LDLRAD3: variants seen among roughly 807,000 people sequenced by gnomAD.
The protein encoded by LDLRAD3 is low density lipoprotein receptor class A domain containing 3.
LDLRAD3 carries 20 observed loss-of-function variants against 29.4 expected under a neutral mutation model. That is an observed-to-expected ratio of 0.68 (90% CI 0.48 to 0.99). The LOEUF (loss-of-function observed/expected upper bound fraction) is 0.99, where lower values mean the gene tolerates loss of function less well. Ranked by LOEUF, LDLRAD3 falls within the 50% of genes least tolerant of loss-of-function variation. LDLRAD3 has a pLI of 0.00. For missense variants in LDLRAD3, 420 were observed against 454.3 expected (o/e 0.92, Z 0.69); for synonymous variants, 157 against 192.7 (o/e 0.81, Z 1.53).
chr11:36,040,114 A>T (rs1480570412), intron 2 of LDLRAD3, among the ~76,000 whole-genome samples: 1 of 152,058 alleles, frequency 6.6e-6, no homozygotes, highest in African/African-American at 2.4e-5. Flanking sequence ...CGCCTCGGAG[A>T]GGTGATTACT....
intron 4 of LDLRAD3, among the ~76,000 whole-genome samples, chr11:36,202,869 A>T (rs1855147857): frequency 6.6e-6 from 1 of 152,178 alleles, no homozygotes. Flanking sequence ...TGGCAGCAGC[A>T]GCTGCAAATA....
intron 1 of LDLRAD3, among the ~76,000 whole-genome samples, chr11:35,976,002 T>G (rs893479300): frequency 6.6e-6 from 1 of 151,898 alleles, no homozygotes; most frequent in Admixed American, 6.6e-5. Context: ...GGGGAATCAG[T>G]TGAAGAGAGG....
chr11:36,145,173 G>T (rs1307440133), intron 4 of LDLRAD3, among the ~76,000 whole-genome samples: 2 of 119,010 alleles, frequency 1.7e-5, no homozygotes, highest in Non-Finnish European at 3.5e-5. Flanking sequence ...TCAGCCCCCC[G>T]CCCGGCCAGC....
chr11:36,209,152 A>G (rs111551035), intron 4 of LDLRAD3, among the ~76,000 whole-genome samples: 21 of 152,366 alleles, frequency 1.4e-4, no homozygotes, highest in African/African-American at 5.0e-4. Flanking sequence ...TATTAAAGTC[A>G]TGAAGAACAA....
chr11:36,065,585 G>A (rs889261173), intron 2 of LDLRAD3, among the ~76,000 whole-genome samples: 5 of 152,148 alleles, frequency 3.3e-5, no homozygotes, highest in South Asian at 2.1e-4. Flanking sequence ...GTGCACTAAC[G>A]TACTATTTTC....
At chr11:36,038,971 CTT>C (rs67593168) in intron 2 of LDLRAD3, among the ~76,000 whole-genome samples, 62 of 102,450 alleles carry the variant, frequency 6.1e-4, no homozygotes, top group African/African-American at 1.3e-3. Context: ...AAATTTCTTT[CTT>C]TTTTTTTTTT....
chr11:36,194,171 C>T (rs1854997841), intron 4 of LDLRAD3, among the ~76,000 whole-genome samples: 1 of 150,768 alleles, frequency 6.6e-6, no homozygotes, highest in Non-Finnish European at 1.5e-5. Flanking sequence ...TGTCTGTGTA[C>T]CTTAGCCCCC....
At chr11:36,179,409 G>T (rs1244266993) in intron 4 of LDLRAD3, among the ~76,000 whole-genome samples, 1 of 151,964 alleles carries the variant, frequency 6.6e-6, no homozygotes, top group East Asian at 1.9e-4. Context: ...AGGAGGTGGT[G>T]GTTGCAGTGA....
At chr11:36,047,616 T>A (rs1053882560) in intron 2 of LDLRAD3, among the ~76,000 whole-genome samples, 1 of 152,196 alleles carries the variant, frequency 6.6e-6, no homozygotes, top group Non-Finnish European at 1.5e-5. Flanking sequence ...GTGTGTATGT[T>A]TTCCTTTGGA....
chr11:36,049,305 A>G (rs1396595750), intron 2 of LDLRAD3, among the ~76,000 whole-genome samples: 3 of 152,198 alleles, frequency 2.0e-5, no homozygotes, highest in African/African-American at 7.2e-5. Context: ...GCAGACTTGC[A>G]CTTTTATCTG....
chr11:35,987,180 A>G (rs1383677397), intron 1 of LDLRAD3, among the ~76,000 whole-genome samples: 1 of 152,226 alleles, frequency 6.6e-6, no homozygotes, highest in Non-Finnish European at 1.5e-5. Flanking sequence ...ATATCTTGTT[A>G]TGACACATTT....
intron 1 of LDLRAD3, among the ~76,000 whole-genome samples, chr11:35,961,306 C>T (rs115541119): frequency 0.016 from 2,429 of 152,286 alleles, 26 homozygotes; most frequent in African/African-American, 0.023. Context: ...TTCTAGGCTC[C>T]GCTTCCACTG....
At chr11:36,114,426 A>G (rs1853647137) in intron 4 of LDLRAD3, among the ~76,000 whole-genome samples, 1 of 152,182 alleles carries the variant, frequency 6.6e-6, no homozygotes, top group Non-Finnish European at 1.5e-5. Context: ...ATTTCTTCCT[A>G]CATGGGCTCA....
At chr11:36,124,540 T>C (rs1293908532) in intron 4 of LDLRAD3, among the ~76,000 whole-genome samples, 2 of 152,048 alleles carry the variant, frequency 1.3e-5, no homozygotes, top group Admixed American at 6.6e-5. Context: ...CTCTGCAAGG[T>C]GGGTATTTTG....
At chr11:36,034,199 A>G (rs1173207486) in intron 1 of LDLRAD3, among the ~76,000 whole-genome samples, 3 of 152,186 alleles carry the variant, frequency 2.0e-5, no homozygotes, top group African/African-American at 2.4e-5. Flanking sequence ...GAGCCATTCA[A>G]TGACCTTTTA....
At chr11:35,978,733 C>G (rs1297805739) in intron 1 of LDLRAD3, among the ~76,000 whole-genome samples, 1 of 152,158 alleles carries the variant, frequency 6.6e-6, no homozygotes, top group East Asian at 1.9e-4. Context: ...CAGCTGAGTC[C>G]AGGATAGTCA....
In LDLRAD3 at chr11:36,213,738, G is replaced by A. The variant is rs1363483276; in HGVS notation, c.455-13347G>A. Among the ~76,000 whole-genome samples, 3 of 152,314 alleles carry A rather than the reference G, an allele frequency of 2.0e-5. No homozygotes were observed. The highest frequency in any genetic ancestry group is 3.4e-3 in the Middle Eastern group (1 of 294). ...CAGGATCTGGGCTCTCCAAGTGGAC[G>A]AATGAATTGTGGACCCAGCCAGACT... On this transcript the variant is annotated intron_variant, in intron 4 of 5. Transcript: ENST00000315571. The surrounding 1 kb of genome is among the most constrained non-coding windows in gnomAD (Gnocchi z 4.1).
At chr11:36,048,444 C>T (rs974304511) in intron 2 of LDLRAD3, among the ~76,000 whole-genome samples, 1 of 152,084 alleles carries the variant, frequency 6.6e-6, no homozygotes, top group African/African-American at 2.4e-5. Flanking sequence ...CCCGGTGCTC[C>T]CTCCCTTGAA....
At chr11:36,045,272 T>C (rs1852433334) in intron 2 of LDLRAD3, among the ~76,000 whole-genome samples, 1 of 152,148 alleles carries the variant, frequency 6.6e-6, no homozygotes, top group African/African-American at 2.4e-5. Flanking sequence ...AGGCCCCTGG[T>C]AGATTTTTGA....
Sources: allele counts gnomAD v4.1 joint callset (sites outside exome capture counted in the v4.1 genomes callset), GRCh38; gene constraint gnomAD v4.1.1; non-coding constraint Gnocchi (gnomAD v3.1); transcripts MANE v1.5; gene names NCBI Gene and HGNC (gene_info 2026-07-23, HGNC 2026-07-21).